The following EP400 variants were observed in gnomAD, a reference collection of about 807,000 sequenced individuals.
The protein encoded by EP400 is E1A binding protein p400.
EP400 carries 105 observed loss-of-function variants against 354.1 expected under a neutral mutation model. That is an observed-to-expected ratio of 0.30 (90% CI 0.25 to 0.35). EP400 has a LOEUF of 0.35. Among genes scored for constraint, EP400 ranks in the 10% least tolerant of loss-of-function variants. The probability of loss-of-function intolerance (pLI) is 1.00; values close to 1 mark genes in which losing one functional copy is unlikely to be tolerated. For missense variants in EP400, 3,280 were observed against 4,121.0 expected, an observed-to-expected ratio of 0.80 and a Z score of 5.59; for synonymous variants, 1,646 against 1,716.9, an observed-to-expected ratio of 0.96 and a Z score of 1.02.
At chr12:132,006,925 C>T (rs763370822) in intron 15 of EP400, 48 bp downstream of exon 15, 2 of 1,603,372 alleles carry the variant, frequency 1.2e-6, no homozygotes, top group South Asian at 2.2e-5. Context: ...CTAGGACTTA[C>T]CTATAGGCCA....
At chr12:131,978,240 A>G (rs1287158837) in intron 2 of EP400, among the ~76,000 whole-genome samples, 1 of 152,026 alleles carries the variant, frequency 6.6e-6, no homozygotes, top group African/African-American at 2.4e-5. Context: ...AACATACCCC[A>G]TTGCTCCCCC....
intron 5 of EP400, among the ~76,000 whole-genome samples, chr12:131,985,801 T>G (rs911353563): frequency 6.6e-6 from 1 of 152,018 alleles, no homozygotes; most frequent in Non-Finnish European, 1.5e-5. Context: ...AGAGACGAGG[T>G]TTCTCCATGT....
At position 132,067,491 on chromosome 12, in the gene EP400, C is replaced by T. The variant is rs544180919; in HGVS notation, c.8874+5C>T. The T allele has an allele frequency of 5.0e-6, 8 of 1,611,392 alleles. No homozygotes were observed. The highest frequency in any genetic ancestry group is 5.9e-6 in the Non-Finnish European group (7 of 1,179,806). ...CCGGCAGCCGTCCAGCAGAAGGTAC[C>T]GGGGCTAGGGGATTCTCACTTCTGG... is the stretch of plus-strand genomic sequence containing the variant. On this transcript the variant is annotated splice_donor_5th_base_variant and intron_variant, in intron 50 of 52. Transcript: ENST00000389561. The surrounding 1 kb of genome is among the most constrained non-coding windows in gnomAD (Gnocchi z 5.3).
intron 32 of EP400, among the ~76,000 whole-genome samples, chr12:132,041,000 G>A (rs1340945108): frequency 6.6e-6 from 1 of 152,174 alleles, no homozygotes; most frequent in Non-Finnish European, 1.5e-5. Flanking sequence ...GACATGTGGG[G>A]GCAGCAGGCG....
chr12:132,016,883 T>A (rs1248972529), intron 19 of EP400, among the ~76,000 whole-genome samples: 1 of 152,164 alleles, frequency 6.6e-6, no homozygotes, highest in Non-Finnish European at 1.5e-5. Flanking sequence ...TCCTCCCTCC[T>A]CTTCCCACAA....
chr12:132,076,384 C>T (rs754075194), intron 51 of EP400, 132 bp from the exon 52 acceptor site: 22 of 892,440 alleles, frequency 2.5e-5, no homozygotes, highest in African/African-American at 8.2e-5. Flanking sequence ...GGGCACACTA[C>T]GAGAATTGCT....
intron 1 of EP400, among the ~76,000 whole-genome samples, chr12:131,950,776 C>T (rs1255399314): frequency 1.3e-5 from 2 of 152,240 alleles, no homozygotes; most frequent in African/African-American, 4.8e-5. Flanking sequence ...CTTTCTGAGA[C>T]GGGGTCTCGC....
At chr12:132,022,087 C>T (rs1894139748) in intron 23 of EP400, among the ~76,000 whole-genome samples, 1 of 152,178 alleles carries the variant, frequency 6.6e-6, no homozygotes, top group Non-Finnish European at 1.5e-5. Context: ...TGAGTTCAAA[C>T]TAATTCTCTT....
At chr12:132,059,243 C>G (rs914731510) in intron 45 of EP400, among the ~76,000 whole-genome samples, 1 of 152,052 alleles carries the variant, frequency 6.6e-6, no homozygotes, top group Non-Finnish European at 1.5e-5. Flanking sequence ...TATTGATACA[C>G]CGAGGTAGGG....
At chr12:132,069,016 A>C (rs533972432) in intron 50 of EP400, 1 of 154,602 alleles carries the variant, frequency 6.5e-6, no homozygotes, top group Non-Finnish European at 1.4e-5. Flanking sequence ...CATGGCTGAT[A>C]AAGCAGATAC....
intron 2 of EP400, among the ~76,000 whole-genome samples, chr12:131,968,381 T>C (rs1390924591): frequency 1.3e-5 from 2 of 152,236 alleles, no homozygotes; most frequent in East Asian, 3.8e-4. Flanking sequence ...AAAGATGAGT[T>C]GATACTTTTA....
rs530270632 is a variant in EP400, at chr12:132,042,395, T to C, written c.6208-909T>C. Among the ~76,000 whole-genome samples, 72 of 152,380 alleles carry C rather than the reference T, an allele frequency of 4.7e-4. 1 individual carries two copies. The South Asian group carries it at 0.012, about 25-fold the overall frequency. ...ATTGATGAGCAGAAGTTCTGAGTTC[T>C]AACACCATCCAGGGCCCACATCTGC... On this transcript the variant is annotated intron_variant, in intron 32 of 52. Coordinates refer to ENST00000389561, the MANE Select transcript of EP400 (RefSeq NM_015409.5).
In EP400 at chr12:132,020,088, T is replaced by C; in HGVS notation, c.4317T>C (p.Gly1439=). ...QPVQYGQKPE[G]RTVAFPSTHP... ...TGCAGTATGGCCAGAAGCCCGAGGGTCGCACCGTGGCTTTCCCCAGCACTC... is the reference window on the plus strand; with the variant it reads ...TGCAGTATGGCCAGAAGCCCGAGGGCCGCACCGTGGCTTTCCCCAGCACTC... The change falls in exon 22 of 53, where the codon GGT becomes GGC. Residue 1439 remains glycine, a synonymous_variant. Coordinates refer to ENST00000389561, the MANE Select transcript of EP400 (RefSeq NM_015409.5). The C allele has an allele frequency of 6.3e-7, 1 of 1,597,716 alleles. No homozygotes were observed. Among genetic ancestry groups the C allele is most frequent in the Non-Finnish European group, 8.5e-7 (1 of 1,171,984 alleles).
chr12:132,069,919 G>A (rs142398484), intron 51 of EP400, among the ~76,000 whole-genome samples: 2,113 of 152,250 alleles, frequency 0.014, 56 homozygotes, highest in African/African-American at 0.048. Context: ...CCAGTTCCAG[G>A]CTCCTCTTCT....
Position 132,005,137 on chromosome 12 carries a change from A to G in EP400, c.2888A>G (p.Gln963Arg), listed in dbSNP as rs1344512626. 2.5e-6 allele frequency: 4 copies of G among 1,588,836 alleles called. No individual in the cohort carries two copies. The highest frequency in any genetic ancestry group is 1.2e-5 in the South Asian group (1 of 86,658). ...GAAGGCGCCTTCCTGCCGAGTTCTC[A>G]GTGGCCCCGGCCGAAGCCTGATGGG... The part of the protein sequence containing the change: ...LYEGAFLPSS[Q>R]WPRPKPDGED... Residue 963 changes from glutamine (Q) to arginine (R), a missense_variant, in exon 13 of 53, where the codon CAG becomes CGG. Gln to Arg is a conservative substitution (Grantham distance 43, BLOSUM62 1). This residue lies in a region of EP400 where 800 missense variants were observed against 840.0 expected (regional missense o/e 0.95). Coordinates refer to ENST00000389561, the MANE Select transcript of EP400 (RefSeq NM_015409.5).
chr12:132,069,703 G>A, intron 51 of EP400, 62 bp downstream of exon 51: 1 of 1,593,942 alleles, frequency 6.3e-7, no homozygotes, highest in South Asian at 1.1e-5. Flanking sequence ...TTTGGATTGT[G>A]TGTCTCGCGG....
Position 132,017,819 on chromosome 12 carries a change from T to G in EP400, c.4110+98T>G. Reference sequence around the variant, plus strand: ...TTGGAAATGGGTTCTCAACCAGCTCTTCTGCAATTGCAATTGCAGCTCCGC... The same window carrying G: ...TTGGAAATGGGTTCTCAACCAGCTCGTCTGCAATTGCAATTGCAGCTCCGC... On this transcript the variant is annotated intron_variant, in intron 20 of 52. Coordinates refer to ENST00000389561, the MANE Select transcript of EP400 (RefSeq NM_015409.5). The surrounding 1 kb of genome is among the most constrained non-coding windows in gnomAD (Gnocchi z 5.0). 27 of 1,310,804 alleles carry G rather than the reference T, an allele frequency of 2.1e-5. No homozygotes were observed. The highest frequency in any genetic ancestry group is 2.7e-5 in the East Asian group (1 of 37,486). The allele number at this position is 1,310,804 out of a possible 1,614,324, so 81.2% of individuals were successfully genotyped here.
At chr12:132,011,839 G>A (rs1003497758) in intron 16 of EP400, among the ~76,000 whole-genome samples, 1 of 152,010 alleles carries the variant, frequency 6.6e-6, no homozygotes, top group Non-Finnish European at 1.5e-5. Context: ...GGAGGGCCAC[G>A]CACTCGCAGG....
At chr12:132,046,795 A>G (rs1425804659) in intron 39 of EP400, among the ~76,000 whole-genome samples, 3 of 152,114 alleles carry the variant, frequency 2.0e-5, no homozygotes, top group Admixed American at 6.5e-5. Context: ...GAGCCCCCAC[A>G]CCAGCAGCGT....
Sources: allele counts gnomAD v4.1 joint callset (sites outside exome capture counted in the v4.1 genomes callset), GRCh38; gene constraint gnomAD v4.1.1; regional missense constraint gnomAD v4.1.1; non-coding constraint Gnocchi (gnomAD v3.1); transcripts MANE v1.5; gene names NCBI Gene and HGNC (gene_info 2026-07-23, HGNC 2026-07-21).